Variants in UNC5D observed in about 807,000 individuals in gnomAD.
UNC5D encodes netrin receptor UNC5D.
In UNC5D, 39 loss-of-function variants were observed where a neutral mutation model predicts 105.4. The ratio of observed to expected loss-of-function variants is 0.37; its 90% confidence interval spans 0.29 to 0.48. The LOEUF (loss-of-function observed/expected upper bound fraction) is 0.48, where lower values mean the gene tolerates loss of function less well. Ranked by LOEUF, UNC5D falls within the 20% of genes least tolerant of loss-of-function variation. UNC5D has a pLI of 0.98. For synonymous variants in UNC5D, 452 were observed against 450.4 expected (o/e 1.00, Z -0.04); for missense variants, 991 against 1,202.4 (o/e 0.82, Z 2.60).
chr8:35,660,221 G>C (rs755334362), intron 4 of UNC5D, among the ~76,000 whole-genome samples: 4 of 152,194 alleles, frequency 2.6e-5, no homozygotes, highest in Non-Finnish European at 5.9e-5. Flanking sequence ...GGAGAACAGA[G>C]AAAAGGTGAA....
intron 4 of UNC5D, among the ~76,000 whole-genome samples, chr8:35,596,836 T>A (rs1189954885): frequency 6.6e-6 from 1 of 152,176 alleles, no homozygotes; most frequent in African/African-American, 2.4e-5. Flanking sequence ...GGGGTGACTT[T>A]GAATTGAATG....
At position 35,793,236 on chromosome 8, in the gene UNC5D, C is replaced by G. The variant is rs1405162951; in HGVS notation, c.*2673C>G. The stretch of plus-strand genomic sequence containing the variant: ...GTTACAATACAATTTCAAAGAGAAC[C>G]CACATTTGTGAGATTTACAGACCAA... On this transcript the variant is annotated 3_prime_UTR_variant, in exon 17 of 17. Transcript: ENST00000404895. 1 of 428,822 alleles carries G rather than the reference C, an allele frequency of 2.3e-6. No individual in the cohort carries two copies. The allele number at this position is 428,822 out of a possible 1,614,324, so 26.6% of individuals were successfully genotyped here. A position where few individuals can be genotyped will look rare whatever the true frequency, so the allele number is the denominator to read the frequency against.
chr8:35,395,570 T>C (rs1563375580), intron 1 of UNC5D, among the ~76,000 whole-genome samples: 2 of 152,192 alleles, frequency 1.3e-5, no homozygotes, highest in Non-Finnish European at 2.9e-5. Flanking sequence ...GATTTAGTAG[T>C]AGAGAGTAAA....
intron 8 of UNC5D, among the ~76,000 whole-genome samples, chr8:35,709,218 A>G (rs546246403): frequency 6.6e-6 from 1 of 152,130 alleles, no homozygotes; most frequent in Non-Finnish European, 1.5e-5. Context: ...AGCAAAACAC[A>G]TACAGCTTCT....
intron 1 of UNC5D, chr8:35,525,891 C>G: frequency 1.1e-6 from 1 of 883,360 alleles, no homozygotes; most frequent in Non-Finnish European, 1.7e-6. Flanking sequence ...AGAAAATTTT[C>G]TTTTCTCTCC....
At chr8:35,782,538 C>T (rs1024961695) in intron 16 of UNC5D, among the ~76,000 whole-genome samples, 2 of 150,474 alleles carry the variant, frequency 1.3e-5, no homozygotes, top group Admixed American at 1.3e-4. Context: ...GAGTCTCACC[C>T]TGTCACCCAG....
chr8:35,314,991 A>G (rs1260955263), intron 1 of UNC5D, among the ~76,000 whole-genome samples: 1 of 152,168 alleles, frequency 6.6e-6, no homozygotes, highest in Non-Finnish European at 1.5e-5. Flanking sequence ...CGGTGAGAGT[A>G]AGGACAGCAG....
Position 35,790,590 on chromosome 8 carries a change from A to G in UNC5D, c.*27A>G, listed in dbSNP as rs1400913018. On this transcript the variant is annotated 3_prime_UTR_variant, in exon 17 of 17. Coordinates refer to ENST00000404895, the MANE Select transcript of UNC5D (RefSeq NM_080872.4). Reference sequence around the variant, plus strand: ...CCACTTCCTCCCATGAGACAGAGTGATGGCCAGCTTGGGGACATTTGCTTT... The same window carrying G: ...CCACTTCCTCCCATGAGACAGAGTGGTGGCCAGCTTGGGGACATTTGCTTT... 1 of 1,612,560 alleles carries G rather than the reference A, an allele frequency of 6.2e-7. No homozygotes were observed.
Position 35,684,762 on chromosome 8 carries a change from C to T in UNC5D, c.919+13C>T. The stretch of plus-strand genomic sequence containing the variant: ...TCTCTTTGTCCTGGTGAGATATATG[C>T]AGATTCCCTTTTCCCTTCTGATCCA... On this transcript the variant is annotated intron_variant, in intron 6 of 16. Coordinates refer to ENST00000404895, the MANE Select transcript of UNC5D (RefSeq NM_080872.4). The T allele has an allele frequency of 6.3e-7, 1 of 1,598,768 alleles. No individual in the cohort carries two copies. The highest frequency in any genetic ancestry group is 1.1e-5 in the South Asian group (1 of 88,230).
Position 35,253,716 on chromosome 8 carries a change from C to T in UNC5D, c.103+17829C>T, listed in dbSNP as rs554332026. Among the ~76,000 whole-genome samples, 494 of 151,994 alleles carry T rather than the reference C, an allele frequency of 3.3e-3. 4 individuals are homozygous for T. Among genetic ancestry groups the T allele is most frequent in the African/African-American group, 0.012 (479 of 41,458 alleles). On this transcript the variant is annotated intron_variant, in intron 1 of 16. Transcript: ENST00000404895. Reference sequence around the variant, plus strand: ...ATGTTAGCTAGGATGATTTCGATTTCCTGACCTTGTGATCCGCCCGCCTCG... The same window carrying T: ...ATGTTAGCTAGGATGATTTCGATTTTCTGACCTTGTGATCCGCCCGCCTCG...
intron 1 of UNC5D, among the ~76,000 whole-genome samples, chr8:35,325,358 A>T (rs1810069441): frequency 6.6e-6 from 1 of 152,178 alleles, no homozygotes; most frequent in African/African-American, 2.4e-5. Flanking sequence ...ACCAGTAAAA[A>T]CTTAAGCTCA....
At chr8:35,657,094 A>G (rs866732987) in intron 4 of UNC5D, among the ~76,000 whole-genome samples, 46 of 102,504 alleles carry the variant, frequency 4.5e-4, no homozygotes, top group African/African-American at 1.2e-3. Flanking sequence ...ATATATATAT[A>G]TATATATATA....
intron 16 of UNC5D, among the ~76,000 whole-genome samples, chr8:35,783,176 G>A (rs1212442861): frequency 6.6e-6 from 1 of 151,808 alleles, no homozygotes; most frequent in East Asian, 1.9e-4. Flanking sequence ...TCATATGTAA[G>A]TAATGTAAGT....
intron 1 of UNC5D, among the ~76,000 whole-genome samples, chr8:35,285,201 T>C (rs776588036): frequency 9.2e-5 from 14 of 152,318 alleles, no homozygotes; most frequent in Non-Finnish European, 1.5e-4. Context: ...TGCTTGACAG[T>C]GCAGTAGTGT....
intron 1 of UNC5D, among the ~76,000 whole-genome samples, chr8:35,301,475 C>T (rs1428534761): frequency 6.6e-6 from 1 of 152,166 alleles, no homozygotes; most frequent in Non-Finnish European, 1.5e-5. Context: ...ATCCAGTAAC[C>T]TGAGTAGCAA....
chr8:35,695,710 ATTATTTATTTATTTATTTAT>A lies in UNC5D; in HGVS notation c.1084+9024_1084+9043del, dbSNP rs59029374. ...CAACCTGGCCAGAAAGTATTTTTAT[ATTATTTATTTATTTATTTAT>A]TTATTTATTTATTTATTTATTTGAA... On this transcript the variant is annotated intron_variant, in intron 7 of 16. Transcript: ENST00000404895. Among the ~76,000 whole-genome samples the A allele has an allele frequency of 1.4e-3, 198 of 146,416 alleles. 1 individual carries two copies. The highest frequency in any genetic ancestry group is 2.4e-3 in the Non-Finnish European group (159 of 67,044).
At chr8:35,501,810 T>C (rs1366307431) in intron 1 of UNC5D, among the ~76,000 whole-genome samples, 1 of 152,252 alleles carries the variant, frequency 6.6e-6, no homozygotes, top group African/African-American at 2.4e-5. Flanking sequence ...GAGCAAATAC[T>C]ACTTTGTGCT....
rs58063448 is a variant in UNC5D, at chr8:35,253,473, C to CTTTTTTTTTTTTTTTTTTT, written c.103+17589_103+17607dup. On this transcript the variant is annotated intron_variant, in intron 1 of 16. Transcript: ENST00000404895. ...GAGTTTGGAGTAGAGATTTTATTTC[C>CTTTTTTTTTTTTTTTTTTT]TTTTTTTTTTTTTTTTTTTTTCTTT... Among the ~76,000 whole-genome samples the CTTTTTTTTTTTTTTTTTTT allele has an allele frequency of 1.0e-4, 10 of 99,824 alleles. 1 individual carries two copies. The highest frequency in any genetic ancestry group is 1.3e-4 in the Non-Finnish European group (7 of 54,298). The allele number at this position is 99,824 out of a possible 152,430, so 65.5% of individuals were successfully genotyped here. A position where few individuals can be genotyped will look rare whatever the true frequency, so the allele number is the denominator to read the frequency against.
At chr8:35,393,358 C>T (rs1803902536) in intron 1 of UNC5D, among the ~76,000 whole-genome samples, 1 of 151,874 alleles carries the variant, frequency 6.6e-6, no homozygotes, top group Admixed American at 6.6e-5. Context: ...TGGTCTCGAT[C>T]TCCTGACCTC....
Sources: gnomAD v4.1 joint callset for allele counts (sites outside exome capture counted in the v4.1 genomes callset) on GRCh38, gnomAD v4.1.1 for gene constraint, MANE v1.5 for transcripts, NCBI Gene and HGNC (gene_info 2026-07-23, HGNC 2026-07-21) for gene names.